Variants in PHC3 observed in about 807,000 individuals in gnomAD.
PHC3 encodes polyhomeotic-like protein 3.
PHC3 carries 13 observed loss-of-function variants against 107.4 expected under a neutral mutation model. That is an observed-to-expected ratio of 0.12 (90% CI 0.08 to 0.19). The LOEUF is 0.19. Among genes scored for constraint, PHC3 ranks in the 10% least tolerant of loss-of-function variants. The pLI is 1.00. For synonymous variants in PHC3, 456 were observed against 427.4 expected (o/e 1.07, Z -0.83); for missense variants, 992 against 1,210.9 (o/e 0.82, Z 2.68).
intron 4 of PHC3, among the ~76,000 whole-genome samples, chr3:170,163,085 A>C (rs1728154393): frequency 6.6e-6 from 1 of 152,134 alleles, no homozygotes; most frequent in Non-Finnish European, 1.5e-5. Flanking sequence ...TCCATGAGGA[A>C]AGAGATTTGT....
At chr3:170,112,208 T>G (rs1717931829) in intron 11 of PHC3, among the ~76,000 whole-genome samples, 1 of 151,934 alleles carries the variant, frequency 6.6e-6, no homozygotes, top group Non-Finnish European at 1.5e-5. Context: ...GACTTCTATT[T>G]ACTTTATTTC....
At chr3:170,179,807 C>T (rs1026197122) in intron 1 of PHC3, among the ~76,000 whole-genome samples, 1 of 152,096 alleles carries the variant, frequency 6.6e-6, no homozygotes, top group Non-Finnish European at 1.5e-5. Flanking sequence ...ATTCTAAGGA[C>T]CTCCATATTG....
chr3:170,148,842 C>G (rs541063960), intron 5 of PHC3: 1 of 358,256 alleles, frequency 2.8e-6, no homozygotes, highest in Non-Finnish European at 5.1e-6. Context: ...ATCACTCTTA[C>G]GTTACTGAAT....
At position 170,095,366 on chromosome 3, in the gene PHC3, CTTTT is replaced by C. The variant is rs1440856234; in HGVS notation, c.*1860_*1863del. 1 of 152,000 alleles carries C rather than the reference CTTTT, an allele frequency of 6.6e-6. No homozygotes were observed. The allele number at this position is 152,000 out of a possible 1,614,324, so 9.4% of individuals were successfully genotyped here. A position where few individuals can be genotyped will look rare whatever the true frequency, so the allele number is the denominator to read the frequency against. The stretch of plus-strand genomic sequence containing the variant: ...CCTACATGTAACTATCAGTAAACAT[CTTTT>C]TTTAAAACATTACTACACAAAGAAT... On this transcript the variant is annotated 3_prime_UTR_variant, in exon 15 of 15. Coordinates refer to ENST00000495893, the MANE Select transcript of PHC3 (RefSeq NM_024947.4).
chr3:170,133,252 C>G (rs1324306009), intron 7 of PHC3, among the ~76,000 whole-genome samples: 1 of 151,068 alleles, frequency 6.6e-6, no homozygotes, highest in Non-Finnish European at 1.5e-5. Flanking sequence ...GATCTCGACT[C>G]ACTGCAACCT....
At chr3:170,171,275 C>T in intron 4 of PHC3, 98 bp downstream of exon 4, 1 of 884,400 alleles carries the variant, frequency 1.1e-6, no homozygotes, top group Non-Finnish European at 1.7e-6. Flanking sequence ...CAGCATGCAA[C>T]AAATTATAAT....
At chr3:170,113,940 C>CT (rs1718374395) in intron 10 of PHC3, among the ~76,000 whole-genome samples, 1 of 151,730 alleles carries the variant, frequency 6.6e-6, no homozygotes, top group Admixed American at 6.6e-5. Context: ...TTTTTTTTAA[C>CT]TTTAAAAAGT....
intron 4 of PHC3, chr3:170,170,954 T>G (rs1729492749): frequency 5.7e-6 from 1 of 174,206 alleles, no homozygotes; most frequent in South Asian, 1.9e-4. Flanking sequence ...AAATAACTCA[T>G]GTAAGCTGAA....
intron 7 of PHC3, among the ~76,000 whole-genome samples, chr3:170,135,900 G>A (rs930778348): frequency 2.0e-5 from 3 of 152,150 alleles, no homozygotes; most frequent in South Asian, 2.1e-4. Context: ...AGAATTCAAA[G>A]CTTGAGAAGA....
At chr3:170,116,838 G>A (rs1719074163) in intron 10 of PHC3, among the ~76,000 whole-genome samples, 1 of 151,950 alleles carries the variant, frequency 6.6e-6, no homozygotes, top group Middle Eastern at 3.4e-3. Context: ...CTGAGCCCCA[G>A]GGGTCAAGGT....
chr3:170,173,171 C>T (rs1382057839), intron 2 of PHC3, among the ~76,000 whole-genome samples: 3 of 150,118 alleles, frequency 2.0e-5, no homozygotes, highest in Admixed American at 6.7e-5. Context: ...CCAGCCTGGG[C>T]GACACAGCAA....
intron 2 of PHC3, among the ~76,000 whole-genome samples, chr3:170,178,016 A>C (rs1310815067): frequency 6.6e-6 from 1 of 151,990 alleles, no homozygotes; most frequent in African/African-American, 2.4e-5. Context: ...GCTGTGGTTA[A>C]ATGTGTCCCC....
chr3:170,116,051 A>G (rs1170197753), intron 10 of PHC3, among the ~76,000 whole-genome samples: 1 of 152,212 alleles, frequency 6.6e-6, no homozygotes, highest in East Asian at 1.9e-4. Context: ...ATATTTTCTA[A>G]GGAAAAATGT....
chr3:170,165,340 C>T lies in PHC3; in HGVS notation c.414+6033G>A, dbSNP rs183963853. Among the ~76,000 whole-genome samples, 10 of 152,236 alleles carry T rather than the reference C, an allele frequency of 6.6e-5. No homozygotes were observed. The East Asian group carries it at 1.9e-3, about 29-fold the overall frequency. ...AGATCACCAGTCACACAACATAATA[C>T]TAAAAACATCCAAGTTTCAATAAAA... is the stretch of plus-strand genomic sequence containing the variant. On this transcript the variant is annotated intron_variant, in intron 4 of 14. Transcript: ENST00000495893.
chr3:170,169,576 C>G (rs1560128057), intron 4 of PHC3: 1 of 152,182 alleles, frequency 6.6e-6, no homozygotes, highest in Non-Finnish European at 1.5e-5. Flanking sequence ...TCTTCCCCCA[C>G]CAGCCATTTA....
intron 11 of PHC3, 40 bp downstream of exon 11, chr3:170,113,320 A>G (rs770805321): frequency 9.0e-6 from 14 of 1,553,208 alleles, no homozygotes; most frequent in Middle Eastern, 1.7e-4. Flanking sequence ...AGTAAAAGTC[A>G]AAGTTAAATT....
At chr3:170,113,102 T>G (rs1361455185) in intron 11 of PHC3, among the ~76,000 whole-genome samples, 2 of 152,218 alleles carry the variant, frequency 1.3e-5, no homozygotes, top group African/African-American at 4.8e-5. Context: ...CTCTCACATA[T>G]GATGGAACTT....
intron 2 of PHC3, 32 bp from the exon 3 acceptor site, chr3:170,172,744 C>A: frequency 1.3e-6 from 2 of 1,564,186 alleles, no homozygotes. Flanking sequence ...AATGTCAAAC[C>A]ATAATCTCAA....
intron 12 of PHC3, among the ~76,000 whole-genome samples, chr3:170,103,962 T>A (rs1277206574): frequency 6.6e-6 from 1 of 152,100 alleles, no homozygotes; most frequent in African/African-American, 2.4e-5. Flanking sequence ...CCCAGCTACT[T>A]AGAAGGCTAA....
Sources: allele counts gnomAD v4.1 joint callset (sites outside exome capture counted in the v4.1 genomes callset), GRCh38; gene constraint gnomAD v4.1.1; transcripts MANE v1.5; gene names NCBI Gene and HGNC (gene_info 2026-07-23, HGNC 2026-07-21).